The following IMPA1 variants were observed in gnomAD, a reference collection of about 807,000 sequenced individuals.
The protein encoded by IMPA1 is D-galactose 1-phosphate phosphatase.
In IMPA1, 21 loss-of-function variants were observed where a neutral mutation model predicts 34.9. That is an observed-to-expected ratio of 0.60 (90% CI 0.43 to 0.87). The LOEUF (loss-of-function observed/expected upper bound fraction) is 0.87. Ranked by LOEUF, IMPA1 falls within the 40% of genes least tolerant of loss-of-function variation. The pLI is 0.00. For missense variants in IMPA1, 299 were observed against 336.4 expected (o/e 0.89, Z 0.87); for synonymous variants, 95 against 104.4 (o/e 0.91, Z 0.55).
At chr8:81,672,962 A>G (rs144677050) in intron 6 of IMPA1, among the ~76,000 whole-genome samples, 306 of 152,300 alleles carry the variant, frequency 2.0e-3, no homozygotes, top group African/African-American at 6.5e-3. Flanking sequence ...AAATCTGAGG[A>G]CCCAAAAAAC....
chr8:81,661,530 C>T (rs1429520701), intron 7 of IMPA1, among the ~76,000 whole-genome samples: 1 of 152,188 alleles, frequency 6.6e-6, no homozygotes, highest in Non-Finnish European at 1.5e-5. Flanking sequence ...CAGACAAATT[C>T]AAATTCAAGA....
intron 6 of IMPA1, among the ~76,000 whole-genome samples, chr8:81,672,641 C>T (rs1175485395): frequency 6.6e-6 from 1 of 152,176 alleles, no homozygotes; most frequent in East Asian, 1.9e-4. Flanking sequence ...CCAAGGTAAT[C>T]TAGAAGTGTG....
chr8:81,682,753 C>T lies in IMPA1; in HGVS notation c.-24-1169G>A, dbSNP rs147935375. Among the ~76,000 whole-genome samples the T allele has an allele frequency of 2.1e-3, 319 of 152,252 alleles. 1 individual carries two copies. Among genetic ancestry groups the T allele is most frequent in the African/African-American group, 7.4e-3 (308 of 41,548 alleles). On this transcript the variant is annotated intron_variant, in intron 1 of 8. Coordinates refer to ENST00000256108, the MANE Select transcript of IMPA1 (RefSeq NM_005536.4). ...AGCCACTCACACCCCCGCCTTCTAA[C>T]AGCACTAATGTAACTCTACAAATTC...
chr8:81,680,076 A>G lies in IMPA1; in HGVS notation c.197+574T>C, dbSNP rs151040230. On this transcript the variant is annotated intron_variant, in intron 3 of 8. Coordinates refer to ENST00000256108, the MANE Select transcript of IMPA1 (RefSeq NM_005536.4). Reference sequence around the variant, plus strand: ...CTTGAACCTGGGAGGTGGAGGTTGCAGTGAGGTGAGATCATGCCACTGCAC... The same window carrying G: ...CTTGAACCTGGGAGGTGGAGGTTGCGGTGAGGTGAGATCATGCCACTGCAC... Among the ~76,000 whole-genome samples, 1,437 of 151,334 alleles carry G rather than the reference A, an allele frequency of 9.5e-3. 16 individuals carry two copies. The highest frequency in any genetic ancestry group is 0.016 in the Non-Finnish European group (1,099 of 67,850).
chr8:81,672,049 T>C (rs1445935628), intron 6 of IMPA1, among the ~76,000 whole-genome samples: 1 of 152,210 alleles, frequency 6.6e-6, no homozygotes, highest in African/African-American at 2.4e-5. Flanking sequence ...AAAATAAGAA[T>C]GCATCCTCCA....
rs778108906 is a variant in IMPA1, at chr8:81,660,498, C to G, written c.718+18G>C. ...CCAACAGATGTGTGGAGATCTGCTT[C>G]ACTCTCCATAATTTTACCTGTAACA... On this transcript the variant is annotated intron_variant, in intron 8 of 8. Transcript: ENST00000256108. The G allele has an allele frequency of 6.2e-7, 1 of 1,606,102 alleles. No homozygotes were observed. The highest frequency in any genetic ancestry group is 2.2e-5 in the East Asian group (1 of 44,794).
At chr8:81,681,203 G>C (rs886257787) in intron 2 of IMPA1, among the ~76,000 whole-genome samples, 1 of 152,118 alleles carries the variant, frequency 6.6e-6, no homozygotes, top group Admixed American at 6.6e-5. Flanking sequence ...ACAACACAGC[G>C]AGACCCTCAT....
At chr8:81,665,797 A>G (rs1410519866) in intron 7 of IMPA1, among the ~76,000 whole-genome samples, 1 of 152,248 alleles carries the variant, frequency 6.6e-6, no homozygotes, top group Non-Finnish European at 1.5e-5. Flanking sequence ...AAAGCAAGGC[A>G]ACAGTGAAAG....
intron 6 of IMPA1, among the ~76,000 whole-genome samples, 163 bp from the exon 7 acceptor site, chr8:81,671,210 T>C (rs1466969776): frequency 6.6e-6 from 1 of 152,168 alleles, no homozygotes; most frequent in African/African-American, 2.4e-5. Flanking sequence ...TATGTGATCC[T>C]TTTTATAAGC....
intron 7 of IMPA1, among the ~76,000 whole-genome samples, chr8:81,669,741 C>A (rs204788): frequency 6.6e-6 from 1 of 152,086 alleles, no homozygotes; most frequent in Non-Finnish European, 1.5e-5. Context: ...AAAGACAAAT[C>A]TGGGGAGTGT....
chr8:81,684,941 CATAA>C (rs1173853628), intron 1 of IMPA1, among the ~76,000 whole-genome samples: 1 of 126,394 alleles, frequency 7.9e-6, no homozygotes, highest in East Asian at 2.4e-4. Context: ...ATATACTATA[CATAA>C]GTATATTTAG....
intron 1 of IMPA1, 46 bp from the exon 2 acceptor site, chr8:81,681,630 T>A: frequency 2.1e-6 from 2 of 973,432 alleles, no homozygotes; most frequent in Non-Finnish European, 1.6e-6. Flanking sequence ...AATTATAGAA[T>A]AGTTAGTTCA....
At chr8:81,678,968 T>C (rs942502353) in intron 4 of IMPA1, among the ~76,000 whole-genome samples, 158 bp downstream of exon 4, 2 of 152,190 alleles carry the variant, frequency 1.3e-5, no homozygotes, top group African/African-American at 2.4e-5. Context: ...CATAATACAT[T>C]TTGCTCCACT....
chr8:81,680,306 A>C (rs1009264874), intron 3 of IMPA1, among the ~76,000 whole-genome samples: 1 of 152,202 alleles, frequency 6.6e-6, no homozygotes, highest in African/African-American at 2.4e-5. Context: ...TCTAATTTGC[A>C]TCTGGTTCAC....
chr8:81,679,912 G>A (rs1039288349), intron 3 of IMPA1, among the ~76,000 whole-genome samples: 14 of 151,894 alleles, frequency 9.2e-5, no homozygotes, highest in Admixed American at 2.6e-4. Context: ...TGAGGCGGGC[G>A]GACCATGAGG....
chr8:81,665,986 C>G (rs1320186180), intron 7 of IMPA1, among the ~76,000 whole-genome samples: 1 of 152,140 alleles, frequency 6.6e-6, no homozygotes, highest in Non-Finnish European at 1.5e-5. Flanking sequence ...TAAAAAGGTG[C>G]CTGCAACACT....
chr8:81,661,288 T>C (rs971933738), intron 7 of IMPA1, among the ~76,000 whole-genome samples: 3 of 152,218 alleles, frequency 2.0e-5, no homozygotes, highest in Non-Finnish European at 4.4e-5. Context: ...AATTAATGGG[T>C]GAGTCTGATA....
chr8:81,685,863 A>G lies in IMPA1; in HGVS notation c.-25+389T>C, dbSNP rs1807505384. Reference sequence around the variant, plus strand: ...GAGCCAGGCCACCTTCCTTTTTGCCACCTGTCCCAGCACCGCGACTGCGGG... The same window carrying G: ...GAGCCAGGCCACCTTCCTTTTTGCCGCCTGTCCCAGCACCGCGACTGCGGG... On this transcript the variant is annotated intron_variant, in intron 1 of 8. Transcript: ENST00000256108. 3 of 1,549,042 alleles carry G rather than the reference A, an allele frequency of 1.9e-6. No homozygotes were observed. The highest frequency in any genetic ancestry group is 8.7e-7 in the Non-Finnish European group (1 of 1,145,712).
intron 7 of IMPA1, among the ~76,000 whole-genome samples, chr8:81,663,506 T>TCACCTA (rs1806735119): frequency 2.0e-5 from 3 of 152,336 alleles, no homozygotes; most frequent in Non-Finnish European, 1.5e-5. Flanking sequence ...AGCTGTGCGA[T>TCACCTA]CTCAAGCAGC....
Sources: allele counts gnomAD v4.1 joint callset (sites outside exome capture counted in the v4.1 genomes callset), GRCh38; gene constraint gnomAD v4.1.1; transcripts MANE v1.5; gene names NCBI Gene and HGNC (gene_info 2026-07-23, HGNC 2026-07-21).